TBC1D22A: variants seen among roughly 807,000 people sequenced by gnomAD.
TBC1D22A encodes putative GTPase activator.
TBC1D22A carries 38 observed loss-of-function variants against 60.2 expected under a neutral mutation model. That is an observed-to-expected ratio of 0.63 (90% CI 0.49 to 0.83). The LOEUF is 0.83. Ranked by LOEUF, TBC1D22A falls within the 40% of genes least tolerant of loss-of-function variation. TBC1D22A has a pLI of 0.00. For missense variants in TBC1D22A, 628 were observed against 701.0 expected, an observed-to-expected ratio of 0.90 and a Z score of 1.18; for synonymous variants, 302 against 281.7, an observed-to-expected ratio of 1.07 and a Z score of -0.72.
At chr22:46,950,876 G>A (rs1484331044) in intron 8 of TBC1D22A, among the ~76,000 whole-genome samples, 1 of 152,224 alleles carries the variant, frequency 6.6e-6, no homozygotes, top group African/African-American at 2.4e-5. Context: ...CAGTTTACCA[G>A]TGTAGTTTTA....
chr22:47,042,693 C>T (rs1465916436), intron 11 of TBC1D22A, among the ~76,000 whole-genome samples: 1 of 152,218 alleles, frequency 6.6e-6, no homozygotes, highest in African/African-American at 2.4e-5. Context: ...TGATGGGACC[C>T]CCATCTGTCC....
At chr22:46,997,063 C>T (rs2075144126) in intron 9 of TBC1D22A, among the ~76,000 whole-genome samples, 1 of 152,232 alleles carries the variant, frequency 6.6e-6, no homozygotes, top group Non-Finnish European at 1.5e-5. Flanking sequence ...CCCTTTGATG[C>T]TATGCAGACC....
rs537883471 is a variant in TBC1D22A at position 46,765,505 on chromosome 22, G to A, written c.62+2657G>A. Among the ~76,000 whole-genome samples the A allele has an allele frequency of 1.2e-3, 180 of 152,084 alleles. 1 individual carries two copies. Among genetic ancestry groups the A allele is most frequent in the African/African-American group, 4.3e-3 (177 of 41,468 alleles). The stretch of plus-strand genomic sequence containing the variant: ...TTTTGAGATGGAGTCTCACTGTGTT[G>A]CCCAGGCTGGAGTGCAGTGGTGTGA... On this transcript the variant is annotated intron_variant, in intron 1 of 12. Transcript: ENST00000337137.
intron 1 of TBC1D22A, among the ~76,000 whole-genome samples, chr22:46,767,474 T>C (rs1355287183): frequency 2.0e-5 from 3 of 152,194 alleles, no homozygotes; most frequent in Non-Finnish European, 4.4e-5. Flanking sequence ...ACCCATAGTA[T>C]GTGTTAGGAA....
intron 9 of TBC1D22A, among the ~76,000 whole-genome samples, chr22:46,986,429 A>G (rs1041347393): frequency 6.7e-6 from 1 of 150,002 alleles, no homozygotes. Context: ...TGAGATTTTG[A>G]ATGAGAATAT....
At chr22:46,826,668 C>T (rs966465433) in intron 4 of TBC1D22A, among the ~76,000 whole-genome samples, 5 of 152,110 alleles carry the variant, frequency 3.3e-5, no homozygotes, top group Non-Finnish European at 1.5e-5. Context: ...TGGGTGGAAG[C>T]GAGGTCCCGG....
At chr22:46,943,029 C>T (rs908972875) in intron 8 of TBC1D22A, among the ~76,000 whole-genome samples, 26 of 152,268 alleles carry the variant, frequency 1.7e-4, no homozygotes, top group African/African-American at 6.3e-4. Context: ...GGGAAATGAG[C>T]TGGAGGACCC....
At chr22:46,788,629 G>T (rs2042135224) in intron 1 of TBC1D22A, among the ~76,000 whole-genome samples, 1 of 152,222 alleles carries the variant, frequency 6.6e-6, no homozygotes, top group Non-Finnish European at 1.5e-5. Flanking sequence ...ACCCAGGACA[G>T]TGCCTGCCTC....
At chr22:47,095,577 A>G (rs1467799606) in intron 11 of TBC1D22A, among the ~76,000 whole-genome samples, 1 of 152,158 alleles carries the variant, frequency 6.6e-6, no homozygotes, top group Non-Finnish European at 1.5e-5. Context: ...CAGAACGTGT[A>G]GTGCAGTGTT....
At chr22:46,779,167 A>G (rs73475013) in intron 1 of TBC1D22A, among the ~76,000 whole-genome samples, 2,489 of 152,326 alleles carry the variant, frequency 0.016, 72 homozygotes, top group African/African-American at 0.057. Flanking sequence ...CTGTTATAGG[A>G]CTGGCAGTGC....
intron 8 of TBC1D22A, among the ~76,000 whole-genome samples, chr22:46,931,689 G>A (rs1908445155): frequency 6.6e-6 from 1 of 152,140 alleles, no homozygotes; most frequent in African/African-American, 2.4e-5. Context: ...CAGACGCCTG[G>A]CCCCACACCT....
rs111220640 is a variant in TBC1D22A, at chr22:47,009,500, C to T, written c.1201+11791C>T. On this transcript the variant is annotated intron_variant, in intron 10 of 12. Coordinates refer to ENST00000337137, the MANE Select transcript of TBC1D22A (RefSeq NM_014346.5). The surrounding 1 kb of genome is among the most constrained non-coding windows in gnomAD (Gnocchi z 5.8). ...ACTATCACCATCATTTCATCACCATCATCACCACCATCATCTTCACCATCA... is the reference window on the plus strand; with the variant it reads ...ACTATCACCATCATTTCATCACCATTATCACCACCATCATCTTCACCATCA... Among the ~76,000 whole-genome samples, 5 of 87,742 alleles carry T rather than the reference C, an allele frequency of 5.7e-5. No homozygotes were observed. The highest frequency in any genetic ancestry group is 1.1e-4 in the Non-Finnish European group (4 of 36,038). 57.6% of individuals were successfully genotyped at this position (87,742 alleles called of 152,430 possible).
At chr22:46,854,866 G>A (rs2087488580) in intron 4 of TBC1D22A, among the ~76,000 whole-genome samples, 3 of 152,158 alleles carry the variant, frequency 2.0e-5, no homozygotes, top group African/African-American at 7.2e-5. Flanking sequence ...CCAGACATAG[G>A]AACCTGCTGA....
intron 8 of TBC1D22A, among the ~76,000 whole-genome samples, chr22:46,933,841 T>A (rs1045126897): frequency 6.6e-6 from 1 of 152,210 alleles, no homozygotes; most frequent in African/African-American, 2.4e-5. Flanking sequence ...GTTCTGGTCT[T>A]GGGAAACACA....
intron 8 of TBC1D22A, chr22:46,913,709 T>G: frequency 1.0e-6 from 1 of 985,422 alleles, no homozygotes; most frequent in Middle Eastern, 5.2e-4. Context: ...AAGGAGAAGT[T>G]CAACTGAGAT....
At chr22:47,047,742 G>A (rs1177384337) in intron 11 of TBC1D22A, among the ~76,000 whole-genome samples, 1 of 152,232 alleles carries the variant, frequency 6.6e-6, no homozygotes, top group Non-Finnish European at 1.5e-5. Context: ...ATCCTGTGTG[G>A]AGGGTTCAGA....
At chr22:46,969,898 T>TA (rs1385648692) in intron 8 of TBC1D22A, among the ~76,000 whole-genome samples, 3 of 152,176 alleles carry the variant, frequency 2.0e-5, no homozygotes, top group Admixed American at 1.3e-4. Flanking sequence ...AAGTAAAAGA[T>TA]ACAATCATAT....
intron 4 of TBC1D22A, among the ~76,000 whole-genome samples, chr22:46,802,833 G>A (rs899351929): frequency 1.4e-4 from 22 of 151,892 alleles, no homozygotes; most frequent in African/African-American, 5.1e-4. Context: ...CAAGAGTGGA[G>A]GCCGTGGGCT....
chr22:46,908,141 G>C (rs746780050), intron 7 of TBC1D22A, among the ~76,000 whole-genome samples: 1 of 152,232 alleles, frequency 6.6e-6, no homozygotes, highest in African/African-American at 2.4e-5. Context: ...GCTGCTCAGC[G>C]GGATGTGGAG....
Sources: allele counts gnomAD v4.1 joint callset (sites outside exome capture counted in the v4.1 genomes callset), GRCh38; gene constraint gnomAD v4.1.1; non-coding constraint Gnocchi (gnomAD v3.1); transcripts MANE v1.5; gene names NCBI Gene and HGNC (gene_info 2026-07-23, HGNC 2026-07-21).